TMC2: variants seen among roughly 807,000 people sequenced by gnomAD.
The protein encoded by TMC2 is transmembrane channel like 2.
Under a neutral mutation model 105.9 loss-of-function variants are expected in TMC2, and 102 were observed. The observed-to-expected ratio is 0.96, with a 90% CI of 0.82 to 1.14. TMC2 has a LOEUF of 1.14. Ranked by LOEUF, TMC2 falls within the 50% of genes most tolerant of loss-of-function variation. The pLI is 0.00. For synonymous variants in TMC2, 402 were observed against 422.8 expected, an observed-to-expected ratio of 0.95 and a Z score of 0.60; for missense variants, 1,093 against 1,134.3, an observed-to-expected ratio of 0.96 and a Z score of 0.52.
intron 2 of TMC2, among the ~76,000 whole-genome samples, chr20:2,543,903 G>GAT (rs3051735): frequency 0.39 from 56,521 of 144,072 alleles, 11,416 homozygotes; most frequent in Admixed American, 0.46. Flanking sequence ...CTGCATGTCA[G>GAT]TTTTTTTTTT....
chr20:2,559,232 G>C (rs1295419418), intron 3 of TMC2, among the ~76,000 whole-genome samples: 2 of 152,232 alleles, frequency 1.3e-5, no homozygotes, highest in African/African-American at 4.8e-5. Context: ...CCGGCTTCCG[G>C]ATCTGGGCCA....
chr20:2,608,711 T>C (rs1387280285), intron 11 of TMC2, among the ~76,000 whole-genome samples: 3 of 152,204 alleles, frequency 2.0e-5, no homozygotes, highest in Non-Finnish European at 2.9e-5. Context: ...TGAGATGCCT[T>C]CTCTCACACA....
intron 7 of TMC2, among the ~76,000 whole-genome samples, chr20:2,582,901 A>G (rs1299936877): frequency 6.6e-6 from 1 of 152,214 alleles, no homozygotes; most frequent in African/African-American, 2.4e-5. Context: ...TTTAATTGCC[A>G]TTGCCTGCAC....
intron 14 of TMC2, among the ~76,000 whole-genome samples, chr20:2,614,520 C>T (rs931252127): frequency 3.4e-4 from 51 of 152,120 alleles, no homozygotes; most frequent in African/African-American, 1.2e-3. Context: ...CAGGAGGATC[C>T]CTTGATCCCT....
chr20:2,599,021 G>C (rs2146218215), intron 10 of TMC2, among the ~76,000 whole-genome samples: 1 of 152,278 alleles, frequency 6.6e-6, no homozygotes, highest in Middle Eastern at 3.4e-3. Flanking sequence ...TGCAGTTGGA[G>C]TGTATGTATA....
chr20:2,618,217 A>T (rs1163034589), intron 16 of TMC2: 1 of 152,758 alleles, frequency 6.5e-6, no homozygotes, highest in African/African-American at 2.4e-5. Context: ...CTCTACCTCC[A>T]TGAGATCCAC....
At chr20:2,552,131 A>G (rs6049984) in intron 2 of TMC2, among the ~76,000 whole-genome samples, 102,416 of 151,994 alleles carry the variant, frequency 0.67, 34,769 homozygotes, top group African/African-American at 0.74. Context: ...GTTAGTGTGC[A>G]CCTGTAGTCC....
In TMC2 at chr20:2,617,152, C is replaced by T. The variant is rs200272296; in HGVS notation, c.2021C>T (p.Ala674Val). ...ACCTCCATGTACTTCCAGTGCTGGG[C>T]GGTGATGAGCAGCAACGTACCCCAT... is the stretch of plus-strand genomic sequence containing the variant. ...LLTSMYFQCW[A>V]VMSSNVPHER... Residue 674 changes from alanine (A) to valine (V), a missense_variant, in exon 16 of 20, where the codon GCG becomes GTG. Ala to Val is a moderately conservative substitution (Grantham distance 64, BLOSUM62 0). Coordinates refer to ENST00000358864, the MANE Select transcript of TMC2 (RefSeq NM_080751.3). The T allele has an allele frequency of 2.7e-5, 43 of 1,614,192 alleles. No individual in the cohort carries two copies. The East Asian group carries it at 6.7e-4, about 25-fold the overall frequency.
chr20:2,584,354 G>A (rs2086216901), intron 7 of TMC2, among the ~76,000 whole-genome samples: 3 of 141,526 alleles, frequency 2.1e-5, no homozygotes, highest in Admixed American at 6.8e-5. Flanking sequence ...TGAGGCAGGA[G>A]AATGGCGTGA....
intron 16 of TMC2, among the ~76,000 whole-genome samples, chr20:2,619,483 G>A (rs769259080): frequency 3.3e-5 from 5 of 152,170 alleles, no homozygotes; most frequent in Admixed American, 1.3e-4. Context: ...AGGCAGATTA[G>A]CATGTAAAAT....
intron 7 of TMC2, among the ~76,000 whole-genome samples, chr20:2,587,754 G>C (rs1038457148): frequency 5.3e-5 from 8 of 152,014 alleles, no homozygotes; most frequent in African/African-American, 1.7e-4. Context: ...TTTTTGGTGA[G>C]AACACTTAAA....
At chr20:2,566,769 T>C (rs939854974) in intron 4 of TMC2, among the ~76,000 whole-genome samples, 1 of 152,212 alleles carries the variant, frequency 6.6e-6, no homozygotes, top group African/African-American at 2.4e-5. Context: ...TTGAGTTCCT[T>C]GGATTTTCTT....
At chr20:2,614,597 A>C (rs894046569) in intron 14 of TMC2, among the ~76,000 whole-genome samples, 11 of 152,206 alleles carry the variant, frequency 7.2e-5, no homozygotes, top group African/African-American at 2.7e-4. Context: ...TATATAAAGA[A>C]AAAATAAAAA....
At position 2,565,858 on chromosome 20, in the gene TMC2, G is replaced by C. The variant is rs144478535; in HGVS notation, c.554+3848G>C. ...AGTTCAAGACCAGCCTGGTCAACAT[G>C]GTGGAACCTCATCTCTACTAAAAAT... On this transcript the variant is annotated intron_variant, in intron 4 of 19. Transcript: ENST00000358864. 1.9e-3 allele frequency among the ~76,000 whole-genome samples: 291 copies of C among 152,224 alleles called. 1 individual carries two copies. Among genetic ancestry groups the C allele is most frequent in the Middle Eastern group, 6.8e-3 (2 of 294 alleles).
intron 13 of TMC2, among the ~76,000 whole-genome samples, chr20:2,612,744 A>G (rs1385597496): frequency 6.6e-6 from 1 of 152,216 alleles, no homozygotes; most frequent in African/African-American, 2.4e-5. Flanking sequence ...AGAAGATGAA[A>G]AAAGCTAGGC....
rs6138630 is a variant in TMC2, at chr20:2,636,687, G to A, written c.2385+683G>A. On this transcript the variant is annotated intron_variant, in intron 18 of 19. Coordinates refer to ENST00000358864, the MANE Select transcript of TMC2 (RefSeq NM_080751.3). ...TCACCAGGCTGGAGTGCAGTGGCAC[G>A]ATCCCAGCTCACTGCAACCTCCACC... Among the ~76,000 whole-genome samples the A allele has an allele frequency of 1.1e-4, 17 of 152,184 alleles. No homozygotes were observed. In the East Asian group the frequency reaches 2.5e-3, roughly 23 times the overall value.
At chr20:2,556,230 A>T (rs1244748646) in intron 2 of TMC2, among the ~76,000 whole-genome samples, 2 of 152,054 alleles carry the variant, frequency 1.3e-5, no homozygotes, top group African/African-American at 4.8e-5. Context: ...CTGGGATTAC[A>T]GGCACGTGCC....
At chr20:2,549,373 A>G (rs1165157525) in intron 2 of TMC2, among the ~76,000 whole-genome samples, 1 of 152,122 alleles carries the variant, frequency 6.6e-6, no homozygotes, top group Non-Finnish European at 1.5e-5. Flanking sequence ...TTAATATCTT[A>G]ATTCAGCCAA....
Position 2,579,255 on chromosome 20 carries a change from T to A in TMC2, c.727+28T>A, listed in dbSNP as rs758013527. The A allele has an allele frequency of 1.8e-5, 26 of 1,417,682 alleles. No homozygotes were observed. The South Asian group carries it at 1.8e-4, about 10-fold the overall frequency. 87.8% of individuals were successfully genotyped at this position (1,417,682 alleles called of 1,614,324 possible). On this transcript the variant is annotated intron_variant, in intron 6 of 19. Transcript: ENST00000358864. ...GAGTATGCTGGTGTCACTGTTTTTT[T>A]AATTGGTTTCCTAAAGCGTTTCCCA...
Sources: allele counts gnomAD v4.1 joint callset (sites outside exome capture counted in the v4.1 genomes callset), GRCh38; gene constraint gnomAD v4.1.1; transcripts MANE v1.5; gene names NCBI Gene and HGNC (gene_info 2026-07-23, HGNC 2026-07-21).